Variants in EPHA6 observed in about 807,000 individuals in gnomAD.
EPHA6 encodes EPH receptor A6.
A neutral mutation model predicts 112.0 loss-of-function variants in EPHA6; 50 were observed. That is an observed-to-expected ratio of 0.45 (90% CI 0.36 to 0.56). EPHA6 has a LOEUF of 0.56. Among genes scored for constraint, EPHA6 ranks in the 20% least tolerant of loss-of-function variants. The pLI is 0.00. For missense variants in EPHA6, 1,280 were observed against 1,417.4 expected (o/e 0.90, Z 1.56); for synonymous variants, 529 against 490.7 (o/e 1.08, Z -1.03).
intron 12 of EPHA6, among the ~76,000 whole-genome samples, chr3:97,602,147 A>G (rs2093648316): frequency 2.0e-5 from 3 of 152,056 alleles, no homozygotes; most frequent in Non-Finnish European, 2.9e-5. Context: ...TGAAATTTCA[A>G]CTGCTAAGCC....
chr3:96,944,482 T>C (rs1432357594), intron 2 of EPHA6, among the ~76,000 whole-genome samples: 1 of 152,220 alleles, frequency 6.6e-6, no homozygotes, highest in Non-Finnish European at 1.5e-5. Flanking sequence ...GCTTGACTTC[T>C]ACTCTGAACT....
chr3:97,050,272 A>G (rs1349918451), intron 3 of EPHA6, among the ~76,000 whole-genome samples: 1 of 152,160 alleles, frequency 6.6e-6, no homozygotes, highest in Non-Finnish European at 1.5e-5. Context: ...ATACACAGCA[A>G]ATTGTGCCCA....
intron 2 of EPHA6, among the ~76,000 whole-genome samples, chr3:96,914,463 A>T (rs1385771100): frequency 6.6e-6 from 1 of 152,198 alleles, no homozygotes; most frequent in Non-Finnish European, 1.5e-5. Context: ...CTGCATTCAA[A>T]TGGAATCTAC....
chr3:97,704,856 TA>T (rs1237340038), intron 14 of EPHA6, among the ~76,000 whole-genome samples: 1 of 152,156 alleles, frequency 6.6e-6, no homozygotes, highest in Non-Finnish European at 1.5e-5. Flanking sequence ...ATTTAATGTA[TA>T]AAAATGTGGT....
At chr3:97,338,031 C>T (rs562732061) in intron 5 of EPHA6, among the ~76,000 whole-genome samples, 80 of 151,834 alleles carry the variant, frequency 5.3e-4, no homozygotes, top group Non-Finnish European at 9.9e-4. Context: ...GTTTTGATAT[C>T]GTTGGAGAGA....
intron 3 of EPHA6, among the ~76,000 whole-genome samples, chr3:97,073,011 T>A (rs2046406741): frequency 6.6e-6 from 1 of 152,172 alleles, no homozygotes; most frequent in African/African-American, 2.4e-5. Context: ...TAACAAGCTC[T>A]GTAACTGCTT....
intron 3 of EPHA6, among the ~76,000 whole-genome samples, chr3:97,020,584 A>G (rs755813907): frequency 1.3e-5 from 2 of 152,146 alleles, no homozygotes; most frequent in African/African-American, 2.4e-5. Context: ...GTGGTCAGCA[A>G]TAGGGGTCAT....
chr3:97,152,055 C>T (rs1275757169), intron 3 of EPHA6, among the ~76,000 whole-genome samples: 1 of 151,786 alleles, frequency 6.6e-6, no homozygotes, highest in African/African-American at 2.4e-5. Context: ...AAATTAAAGT[C>T]AAGAAATGTT....
chr3:97,515,426 A>G (rs148288858), intron 10 of EPHA6, among the ~76,000 whole-genome samples: 1 of 152,238 alleles, frequency 6.6e-6, no homozygotes, highest in African/African-American at 2.4e-5. Context: ...ACATTGAGTA[A>G]GTTTCCCAGG....
chr3:97,607,367 G>A (rs1038761596), intron 12 of EPHA6, among the ~76,000 whole-genome samples: 2 of 150,844 alleles, frequency 1.3e-5, no homozygotes, highest in African/African-American at 2.4e-5. Context: ...GGGAACATTT[G>A]AAAAATATAT....
chr3:97,252,432 C>T (rs965892262), intron 5 of EPHA6, among the ~76,000 whole-genome samples: 23 of 152,228 alleles, frequency 1.5e-4, no homozygotes, highest in African/African-American at 5.1e-4. Flanking sequence ...CACACACACG[C>T]GCGCGCACGC....
chr3:97,245,409 C>T (rs190748054), intron 5 of EPHA6, among the ~76,000 whole-genome samples: 10 of 152,044 alleles, frequency 6.6e-5, no homozygotes. Flanking sequence ...ACCTTAATTA[C>T]TCTTTAGAGA....
At chr3:97,182,830 T>G (rs2077027202) in intron 3 of EPHA6, among the ~76,000 whole-genome samples, 1 of 152,142 alleles carries the variant, frequency 6.6e-6, no homozygotes, top group South Asian at 2.1e-4. Flanking sequence ...ACTGGAATTA[T>G]GTGAGTGGTA....
At chr3:97,573,840 A>G (rs2093357155) in intron 11 of EPHA6, among the ~76,000 whole-genome samples, 1 of 152,076 alleles carries the variant, frequency 6.6e-6, no homozygotes, top group South Asian at 2.1e-4. Context: ...AGATAAATTA[A>G]TGTTTCCTGA....
chr3:97,009,793 C>G (rs1030751555), intron 3 of EPHA6, among the ~76,000 whole-genome samples: 1 of 152,220 alleles, frequency 6.6e-6, no homozygotes, highest in East Asian at 1.9e-4. Flanking sequence ...GTTTCCCTGG[C>G]TGGGTAGCAT....
intron 10 of EPHA6, among the ~76,000 whole-genome samples, chr3:97,485,887 G>A (rs1400028480): frequency 6.6e-6 from 1 of 152,164 alleles, no homozygotes; most frequent in East Asian, 1.9e-4. Context: ...ATAGATACAG[G>A]AGAAGCATTT....
chr3:96,834,259 G>A (rs1366175945), intron 1 of EPHA6, among the ~76,000 whole-genome samples: 1 of 151,956 alleles, frequency 6.6e-6, no homozygotes, highest in Non-Finnish European at 1.5e-5. Flanking sequence ...AAAGAAAAAT[G>A]TGATTCTCAA....
intron 3 of EPHA6, among the ~76,000 whole-genome samples, chr3:97,019,832 C>A (rs529158246): frequency 2.6e-5 from 4 of 151,612 alleles, no homozygotes; most frequent in Non-Finnish European, 5.9e-5. Flanking sequence ...TATATTTTTG[C>A]TTTTCTTTGT....
At chr3:97,715,684 T>A (rs905250648) in intron 14 of EPHA6, among the ~76,000 whole-genome samples, 1 of 152,204 alleles carries the variant, frequency 6.6e-6, no homozygotes, top group African/African-American at 2.4e-5. Flanking sequence ...CTCTGCAGAT[T>A]AGAGGCTTAT....
Sources: allele counts gnomAD v4.1 joint callset (sites outside exome capture counted in the v4.1 genomes callset), GRCh38; gene constraint gnomAD v4.1.1; transcripts MANE v1.5; gene names NCBI Gene and HGNC (gene_info 2026-07-23, HGNC 2026-07-21).